The following MOSPD1 variants were observed in gnomAD, a reference collection of about 807,000 sequenced individuals.
The protein encoded by MOSPD1 is motile sperm domain containing 1, also known as motile sperm domain-containing protein 1.
Under a neutral mutation model 16.7 loss-of-function variants are expected in MOSPD1, and 5 were observed. That is an observed-to-expected ratio of 0.30 (90% CI 0.16 to 0.63). The LOEUF is 0.63. Among genes scored for constraint, MOSPD1 ranks in the 30% least tolerant of loss-of-function variants. The pLI is 0.82. For missense variants in MOSPD1, 104 were observed against 153.6 expected, an observed-to-expected ratio of 0.68 and a Z score of 1.71; for synonymous variants, 67 against 59.2, an observed-to-expected ratio of 1.13 and a Z score of -0.61.
intron 1 of MOSPD1, among the ~76,000 whole-genome samples, chrX:134,900,998 T>C (rs1255450910): frequency 1.3e-5 from 1 of 77,221 alleles, no homozygotes; most frequent in African/African-American, 4.7e-5. Context: ...TTCTCATACA[T>C]TCAAAGAGAA....
intron 5 of MOSPD1, 87 bp downstream of exon 5, chrX:134,891,392 A>G (rs761629207): frequency 1.2e-3 from 296 of 238,869 alleles, no homozygotes; most frequent in Non-Finnish European, 1.6e-3. Flanking sequence ...GTTCTTTGGG[A>G]AAAAAAAAAA....
intron 1 of MOSPD1, among the ~76,000 whole-genome samples, chrX:134,914,275 A>G (rs974749417): frequency 2.1e-4 from 23 of 112,009 alleles, no homozygotes; most frequent in African/African-American, 6.2e-4. Flanking sequence ...CTCAGATTCT[A>G]CTGGGGCAGA....
intron 1 of MOSPD1, among the ~76,000 whole-genome samples, chrX:134,904,985 T>A (rs1397809960): frequency 9.0e-6 from 1 of 111,464 alleles, no homozygotes; most frequent in Admixed American, 9.6e-5. Flanking sequence ...TAGTTGGAGA[T>A]GGACTGATCT....
intron 5 of MOSPD1, among the ~76,000 whole-genome samples, chrX:134,890,489 A>C (rs2082857014): frequency 9.0e-6 from 1 of 110,589 alleles, no homozygotes; most frequent in Non-Finnish European, 1.9e-5. Context: ...GAAGGGAGAG[A>C]GACAATCAAG....
intron 1 of MOSPD1, among the ~76,000 whole-genome samples, chrX:134,904,315 G>T (rs895282533): frequency 1.8e-5 from 2 of 112,061 alleles, no homozygotes; most frequent in Non-Finnish European, 3.8e-5. Flanking sequence ...GATCAAGCAT[G>T]TGCTTACATT....
At position 134,906,857 on chromosome X, in the gene MOSPD1, T is replaced by C. The variant is rs751329105; in HGVS notation, c.-101-7323A>G. Among the ~76,000 whole-genome samples, 4 of 111,744 alleles carry C rather than the reference T, an allele frequency of 3.6e-5. No homozygotes were observed. In the South Asian group the frequency reaches 1.5e-3, roughly 42 times the overall value. ...GATGGTTAAGAGACTTATCCAAGGTTGCACAGGGTATTGGTGGCAGAACTC... is the reference window on the plus strand; with the variant it reads ...GATGGTTAAGAGACTTATCCAAGGTCGCACAGGGTATTGGTGGCAGAACTC... On this transcript the variant is annotated intron_variant, in intron 1 of 5. Coordinates refer to ENST00000370783, the MANE Select transcript of MOSPD1 (RefSeq NM_019556.3).
rs1036719295 is a variant in MOSPD1, at chrX:134,887,708, C to T, written c.*1453G>A. 5 of 113,531 alleles carry T rather than the reference C, an allele frequency of 4.4e-5. No homozygotes were observed. Among genetic ancestry groups the T allele is most frequent in the African/African-American group, 1.6e-4 (5 of 31,211 alleles). 9.4% of individuals were successfully genotyped at this position (113,531 alleles called of 1,213,427 possible). On this transcript the variant is annotated 3_prime_UTR_variant, in exon 6 of 6. Transcript: ENST00000370783. ...GTGTTATTACACACACACATGTGCA[C>T]TTGCACACACGTGCACACACAGGAC...
intron 4 of MOSPD1, 74 bp from the exon 5 acceptor site, chrX:134,891,714 A>T: frequency 2.0e-6 from 2 of 1,006,596 alleles, no homozygotes; most frequent in Non-Finnish European, 2.7e-6. Flanking sequence ...AACACTGGCC[A>T]CCACAGACCA....
At chrX:134,902,192 G>C (rs187475169) in intron 1 of MOSPD1, among the ~76,000 whole-genome samples, 45 of 110,350 alleles carry the variant, frequency 4.1e-4, no homozygotes, top group African/African-American at 1.5e-3. Flanking sequence ...CAGATCACCT[G>C]ATGTCAGGAG....
At chrX:134,896,744 T>C in intron 4 of MOSPD1, 73 bp downstream of exon 4, 2 of 793,840 alleles carry the variant, frequency 2.5e-6, no homozygotes, top group East Asian at 3.2e-5. Context: ...GTAATTATTC[T>C]TAGCTGCCTG....
intron 1 of MOSPD1, among the ~76,000 whole-genome samples, chrX:134,900,438 G>A (rs918474466): frequency 1.8e-5 from 2 of 111,688 alleles, no homozygotes; most frequent in South Asian, 3.7e-4. Context: ...AAAGGAGGCC[G>A]AATGACCACA....
chrX:134,912,686 T>C (rs2082978427), intron 1 of MOSPD1, among the ~76,000 whole-genome samples: 1 of 109,497 alleles, frequency 9.1e-6, no homozygotes, highest in Non-Finnish European at 1.9e-5. Context: ...ATGCCTGTAA[T>C]CCCAGCACTT....
intron 1 of MOSPD1, among the ~76,000 whole-genome samples, chrX:134,910,003 TACA>T (rs1220737107): frequency 1.8e-5 from 2 of 112,206 alleles, no homozygotes; most frequent in African/African-American, 6.5e-5. Context: ...TTCCATGTTT[TACA>T]ACATCTCAGT....
At chrX:134,902,285 T>C (rs966585804) in intron 1 of MOSPD1, among the ~76,000 whole-genome samples, 29 of 109,657 alleles carry the variant, frequency 2.6e-4, no homozygotes, top group Non-Finnish European at 9.5e-5. Flanking sequence ...TGGGCGCCTG[T>C]AGTCCCAGCT....
At chrX:134,892,414 C>G (rs1398478322) in intron 4 of MOSPD1, among the ~76,000 whole-genome samples, 1 of 111,560 alleles carries the variant, frequency 9.0e-6, no homozygotes, top group African/African-American at 3.3e-5. Context: ...TGGGTGGTTG[C>G]CAGGGGCTGG....
At chrX:134,908,260 A>G (rs1394565770) in intron 1 of MOSPD1, among the ~76,000 whole-genome samples, 1 of 111,994 alleles carries the variant, frequency 8.9e-6, no homozygotes, top group Admixed American at 9.5e-5. Flanking sequence ...GATGTCTACT[A>G]ATAACTGTCT....
chrX:134,896,242 A>T (rs1225488818), intron 4 of MOSPD1, among the ~76,000 whole-genome samples: 1 of 111,743 alleles, frequency 8.9e-6, no homozygotes, highest in Non-Finnish European at 1.9e-5. Context: ...ATATCATAAC[A>T]CTTCTGAATA....
intron 4 of MOSPD1, among the ~76,000 whole-genome samples, chrX:134,893,042 T>C (rs2082869642): frequency 1.8e-5 from 2 of 111,819 alleles, no homozygotes; most frequent in African/African-American, 6.5e-5. Context: ...TTTCCTTTCA[T>C]TGAAAGGAAT....
At chrX:134,895,464 T>C (rs1324617166) in intron 4 of MOSPD1, among the ~76,000 whole-genome samples, 1 of 112,105 alleles carries the variant, frequency 8.9e-6, no homozygotes, top group Admixed American at 9.5e-5. Flanking sequence ...CATATACCCC[T>C]AAATCTTACT....
Sources: allele counts gnomAD v4.1 joint callset (sites outside exome capture counted in the v4.1 genomes callset), GRCh38; gene constraint gnomAD v4.1.1; transcripts MANE v1.5; gene names NCBI Gene and HGNC (gene_info 2026-07-23, HGNC 2026-07-21).